RAPGEF3: variants seen among roughly 807,000 people sequenced by gnomAD.
RAPGEF3 encodes 9330170P05Rik.
A neutral mutation model predicts 129.8 loss-of-function variants in RAPGEF3; 103 were observed. The ratio of observed to expected loss-of-function variants is 0.79; its 90% CI spans 0.68 to 0.93. The LOEUF is 0.93. Ranked by LOEUF, RAPGEF3 falls within the 40% of genes least tolerant of loss-of-function variation. The pLI is 0.00. For missense variants in RAPGEF3, 1,117 were observed against 1,207.4 expected, an observed-to-expected ratio of 0.93 and a Z score of 1.11; for synonymous variants, 436 against 482.6, an observed-to-expected ratio of 0.90 and a Z score of 1.26.
At chr12:47,741,066 G>T (rs1386092863) in intron 19 of RAPGEF3, 26 bp from the exon 20 acceptor site, 1 of 1,608,492 alleles carries the variant, frequency 6.2e-7, no homozygotes, top group Non-Finnish European at 8.5e-7. Context: ...TGCTCAGGGG[G>T]CTGCCTGAGG....
At chr12:47,748,044 C>T (rs1436289495) in intron 13 of RAPGEF3, 30 bp downstream of exon 13, 1 of 1,558,962 alleles carries the variant, frequency 6.4e-7, no homozygotes, top group African/African-American at 1.4e-5. Context: ...TATCCCCATG[C>T]ACACCATCCC....
At position 47,746,678 on chromosome 12, in the gene RAPGEF3, G is replaced by C. The variant is rs747388414; in HGVS notation, c.1596+182C>G. ...GCCACCTTAGGCCTCTGCGCCTCCT[G>C]GCACGGCCTGGCCCAGGGCACCACA... On this transcript the variant is annotated intron_variant, in intron 16 of 27. Coordinates refer to ENST00000449771, the MANE Select transcript of RAPGEF3 (RefSeq NM_001098531.4). 1.0e-5 allele frequency: 8 copies of C among 781,622 alleles called. No homozygotes were observed. The Admixed American group carries it at 1.6e-4, about 16-fold the overall frequency. 48.4% of individuals were successfully genotyped at this position (781,622 alleles called of 1,614,324 possible). A position where few individuals can be genotyped will look rare whatever the true frequency, so the allele number is the denominator to read the frequency against.
chr12:47,752,376 C>A (rs1399039378), intron 2 of RAPGEF3, among the ~76,000 whole-genome samples: 2 of 152,190 alleles, frequency 1.3e-5, no homozygotes, highest in South Asian at 2.1e-4. Context: ...CTCAGGAGGC[C>A]TGGGAACATC....
chr12:47,749,413 G>A lies in RAPGEF3; in HGVS notation c.1018C>T (p.Gln340Ter). Residue 340 changes from glutamine to a stop codon, truncating the protein, a stop_gained, in exon 10 of 28, where the codon CAG becomes TAG. Transcript: ENST00000449771. LOFTEE classifies it high-confidence loss of function. This position sits in a 1 kb window ranked among gnomAD's most constrained non-coding sequence, Gnocchi z 4.5. ...DNCHFLRVDK[Q>*]DFNRIIKDVE... ...ACCTTGATGATACGGTTGAAGTCCTGCTTGTCCACACGCAGGAAATGACAG... is the reference window on the plus strand; with the variant it reads ...ACCTTGATGATACGGTTGAAGTCCTACTTGTCCACACGCAGGAAATGACAG... The A allele has an allele frequency of 1.2e-6, 2 of 1,612,954 alleles. No individual in the cohort carries two copies. The highest frequency in any genetic ancestry group is 1.7e-6 in the Non-Finnish European group (2 of 1,180,006).
intron 7 of RAPGEF3, 63 bp from the exon 8 acceptor site, chr12:47,750,053 G>C: frequency 6.3e-7 from 1 of 1,589,796 alleles, no homozygotes; most frequent in Non-Finnish European, 8.6e-7. Context: ...CCAGGCTTTT[G>C]CTAGGGGTGT....
In RAPGEF3 at chr12:47,758,602, T is replaced by C; in HGVS notation, c.-46A>G. ...AGCCGTGCAGGCTCTAGCAAAAGGCTGGGGGGTCCCCAGCGACCCCCATCA... is the reference window on the plus strand; with the variant it reads ...AGCCGTGCAGGCTCTAGCAAAAGGCCGGGGGGTCCCCAGCGACCCCCATCA... On this transcript the variant is annotated 5_prime_UTR_variant, in exon 1 of 28. Coordinates refer to ENST00000449771, the MANE Select transcript of RAPGEF3 (RefSeq NM_001098531.4). 1 of 1,612,392 alleles carries C rather than the reference T, an allele frequency of 6.2e-7. No individual in the cohort carries two copies. The highest frequency in any genetic ancestry group is 8.5e-7 in the Non-Finnish European group (1 of 1,179,218).
chr12:47,749,276 G>C lies in RAPGEF3; in HGVS notation c.1041+114C>G. 1 of 1,324,646 alleles carries C rather than the reference G, an allele frequency of 7.5e-7. No individual in the cohort carries two copies. The highest frequency in any genetic ancestry group is 1.1e-6 in the Non-Finnish European group (1 of 937,882). 82.1% of individuals were successfully genotyped at this position (1,324,646 alleles called of 1,614,324 possible). ...TCCCACTGCCAGCTGTCATAGCCCAGCATCTCTTACCTGCCCTGCTTCTTA... is the reference window on the plus strand; with the variant it reads ...TCCCACTGCCAGCTGTCATAGCCCACCATCTCTTACCTGCCCTGCTTCTTA... On this transcript the variant is annotated intron_variant, in intron 10 of 27. Transcript: ENST00000449771. This position sits in a 1 kb window ranked among gnomAD's most constrained non-coding sequence, Gnocchi z 4.5.
At chr12:47,738,318 G>T in intron 25 of RAPGEF3, 71 bp from the exon 26 acceptor site, 1 of 1,579,374 alleles carries the variant, frequency 6.3e-7, no homozygotes, top group South Asian at 1.1e-5. Flanking sequence ...CAGCAGCAGG[G>T]AGGCCAAGCT....
In RAPGEF3 at chr12:47,741,186, G is replaced by T. The variant is rs139652340; in HGVS notation, c.1924-146C>A. ...AGTGGGGAGTAGAGGGTCTCTAGGG[G>T]CTATAGCAGCTGGAGGATAGGGCTC... On this transcript the variant is annotated intron_variant, in intron 19 of 27. Coordinates refer to ENST00000449771, the MANE Select transcript of RAPGEF3 (RefSeq NM_001098531.4). 129 of 1,041,126 alleles carry T rather than the reference G, an allele frequency of 1.2e-4. 1 individual carries two copies. The African/African-American group carries it at 1.7e-3, about 13-fold the overall frequency. 64.5% of individuals were successfully genotyped at this position (1,041,126 alleles called of 1,614,324 possible). A position where few individuals can be genotyped will look rare whatever the true frequency, so the allele number is the denominator to read the frequency against.
chr12:47,750,192 C>T, intron 7 of RAPGEF3, 149 bp downstream of exon 7: 15 of 1,060,816 alleles, frequency 1.4e-5, no homozygotes, highest in Non-Finnish European at 2.2e-5. Flanking sequence ...TCAGACAGGG[C>T]AGCGCCGGGG....
At chr12:47,746,207 G>C (rs944929214) in intron 16 of RAPGEF3, 5 of 186,860 alleles carry the variant, frequency 2.7e-5, no homozygotes, top group African/African-American at 1.2e-4. Flanking sequence ...AACGGGCTTC[G>C]CCTGCGGAGG....
chr12:47,738,506 C>G (rs550975855), intron 25 of RAPGEF3, among the ~76,000 whole-genome samples, 184 bp downstream of exon 25: 1 of 152,318 alleles, frequency 6.6e-6, no homozygotes, highest in South Asian at 2.1e-4. Flanking sequence ...GGTGAGACGT[C>G]TGAGGCTGGC....
chr12:47,752,175 C>T (rs959030412), intron 2 of RAPGEF3, among the ~76,000 whole-genome samples: 1 of 152,204 alleles, frequency 6.6e-6, no homozygotes, highest in Non-Finnish European at 1.5e-5. Context: ...ATCCTGATCA[C>T]CAAACCCAAC....
intron 24 of RAPGEF3, 36 bp downstream of exon 24, chr12:47,739,107 G>A (rs1368916927): frequency 6.7e-7 from 1 of 1,500,210 alleles, no homozygotes; most frequent in Non-Finnish European, 9.2e-7. Context: ...GGCAGGAAGG[G>A]GGGAATGGAG....
intron 23 of RAPGEF3, chr12:47,739,873 G>A: frequency 1.8e-6 from 1 of 558,344 alleles, no homozygotes; most frequent in Middle Eastern, 4.9e-4. Context: ...CTCCAGCCCA[G>A]TCTTCACACA....
chr12:47,738,733 C>T lies in RAPGEF3; in HGVS notation c.2483G>A (p.Gly828Glu). 6.2e-7 allele frequency: 1 copy of T among 1,611,186 alleles called. No homozygotes were observed. Among genetic ancestry groups the T allele is most frequent in the Non-Finnish European group, 8.5e-7 (1 of 1,177,310 alleles). The change falls in exon 25 of 28, where the codon GGA becomes GAA. Residue 828 changes from glycine to glutamate, a missense_variant. This residue lies in a region of RAPGEF3 where 643 missense variants were observed against 673.4 expected (regional missense o/e 0.95). Transcript: ENST00000449771. ...GAGATTCTCCACTAGTGTGTGGTTT[C>T]CCTCATGAATGAAGGTCATGTCTGC... is the stretch of plus-strand genomic sequence containing the variant. ...LLKDMTFIHEGNHTLVENLIN... is the reference protein window; with the variant it reads ...LLKDMTFIHEENHTLVENLIN...
chr12:47,738,800 T>C (rs756050622), intron 24 of RAPGEF3, 46 bp from the exon 25 acceptor site: 23 of 1,520,622 alleles, frequency 1.5e-5, no homozygotes, highest in Non-Finnish European at 1.8e-5. Flanking sequence ...ACTTCTGCCC[T>C]CCTGTAGCCC....
intron 2 of RAPGEF3, among the ~76,000 whole-genome samples, chr12:47,757,648 C>T (rs865835501): frequency 2.6e-5 from 4 of 152,252 alleles, no homozygotes; most frequent in South Asian, 4.1e-4. Flanking sequence ...CAAACAGAGA[C>T]ATTTGGGCAG....
chr12:47,750,919 T>A, intron 6 of RAPGEF3, 129 bp downstream of exon 6: 1 of 1,364,020 alleles, frequency 7.3e-7, no homozygotes, highest in Non-Finnish European at 9.9e-7. Context: ...CGCCAGGGGC[T>A]TCTGGGCCAG....
Sources: gnomAD v4.1 joint callset for allele counts (sites outside exome capture counted in the v4.1 genomes callset) on GRCh38, gnomAD v4.1.1 for gene constraint, gnomAD v4.1.1 regional missense constraint, Gnocchi (gnomAD v3.1) non-coding constraint, MANE v1.5 for transcripts, NCBI Gene and HGNC (gene_info 2026-07-23, HGNC 2026-07-21) for gene names.